The following CLYBL variants were observed in gnomAD, a reference collection of about 807,000 sequenced individuals.
CLYBL encodes the protein citramalyl-CoA lyase, mitochondrial.
Under a neutral mutation model 38.9 loss-of-function variants are expected in CLYBL, and 31 were observed. The observed-to-expected ratio is 0.80, with a 90% CI of 0.60 to 1.08. The LOEUF (loss-of-function observed/expected upper bound fraction) is 1.08, where lower values mean the gene tolerates loss of function less well. CLYBL is among the 50% of genes least tolerant of loss of function. The pLI is 0.00. For missense variants in CLYBL, 434 were observed against 411.6 expected, an observed-to-expected ratio of 1.05 and a Z score of -0.47; for synonymous variants, 171 against 158.6, an observed-to-expected ratio of 1.08 and a Z score of -0.59.
chr13:99,780,945 C>T (rs2138835830), intron 2 of CLYBL, among the ~76,000 whole-genome samples: 1 of 146,072 alleles, frequency 6.8e-6, no homozygotes, highest in African/African-American at 2.5e-5. Context: ...AACTCCTGAC[C>T]TCAGGCAATC....
At chr13:99,897,928 G>A (rs1209034149), downstream of CLYBL, among the ~76,000 whole-genome samples, 2 of 148,470 alleles carry the variant, frequency 1.3e-5, no homozygotes, top group East Asian at 1.9e-4. Flanking sequence ...CAACAAGGGC[G>A]AAATGCCGTC....
intron 1 of CLYBL, among the ~76,000 whole-genome samples, chr13:99,757,477 T>C (rs1037931759): frequency 1.6e-4 from 24 of 152,020 alleles, no homozygotes; most frequent in Admixed American, 1.2e-3. Flanking sequence ...TATTTCGAGA[T>C]GGAGTTTCGC....
intron 1 of CLYBL, among the ~76,000 whole-genome samples, chr13:99,747,294 C>T (rs1309382364): frequency 6.7e-6 from 1 of 150,292 alleles, no homozygotes; most frequent in Non-Finnish European, 1.5e-5. Flanking sequence ...TTATCCACCC[C>T]GGCTTTCCCT....
intron 1 of CLYBL, among the ~76,000 whole-genome samples, chr13:99,646,499 G>A (rs1269937709): frequency 6.7e-6 from 1 of 149,294 alleles, no homozygotes; most frequent in Non-Finnish European, 1.5e-5. Flanking sequence ...GAGCCAATTG[G>A]TTACAGAAAT....
At chr13:99,733,273 T>TA (rs5806135) in intron 1 of CLYBL, among the ~76,000 whole-genome samples, 114 of 145,698 alleles carry the variant, frequency 7.8e-4, no homozygotes, top group Middle Eastern at 7.0e-3. Flanking sequence ...GAACAGAACT[T>TA]AAAAAAAAAA....
intron 2 of CLYBL, among the ~76,000 whole-genome samples, chr13:99,841,706 ATTACT>A (rs2051083255): frequency 6.6e-6 from 1 of 151,722 alleles, no homozygotes; most frequent in African/African-American, 2.4e-5. Context: ...GGCCACACAC[ATTACT>A]TTAAGCTTTA....
intron 1 of CLYBL, among the ~76,000 whole-genome samples, chr13:99,754,416 C>CAGAAAAAA (rs2049016272): frequency 1.4e-5 from 1 of 71,886 alleles, no homozygotes; most frequent in African/African-American, 5.7e-5. Context: ...GACCCTGTCT[C>CAGAAAAAA]AAAAAAAAAA....
chr13:99,734,670 T>A (rs1301012184), intron 1 of CLYBL, among the ~76,000 whole-genome samples: 1 of 152,182 alleles, frequency 6.6e-6, no homozygotes, highest in African/African-American at 2.4e-5. Context: ...TGTCCATGGC[T>A]ACACCCATAG....
At chr13:99,903,379 C>G (rs912328255) in intron 8 of CLYBL, among the ~76,000 whole-genome samples, 1 of 151,552 alleles carries the variant, frequency 6.6e-6, no homozygotes, top group Non-Finnish European at 1.5e-5. Flanking sequence ...GGCACACACA[C>G]ACGCACGCAC....
In CLYBL at chr13:99,866,327, T is replaced by C. The variant is rs1456554421; in HGVS notation, c.722T>C (p.Ile241Thr). 3 of 1,614,136 alleles carry C rather than the reference T, an allele frequency of 1.9e-6. No individual in the cohort carries two copies. The highest frequency in any genetic ancestry group is 2.2e-5 in the East Asian group (1 of 44,876). ...GCGAAAGCCTTTGGTCTCCAAGCCA[T>C]AGATCTGGTGTACATTGACTTTCGA... Reference protein sequence around the residue: ...VIAKAFGLQAIDLVYIDFRDG... With the variant: ...VIAKAFGLQATDLVYIDFRDG... The change falls in exon 6 of 9, where the codon ATA becomes ACA. Residue 241 changes from isoleucine (I) to threonine (T), a missense_variant. By Grantham distance (89) the Ile-to-Thr change is moderately conservative. Coordinates refer to ENST00000339105, the MANE Select transcript of CLYBL (RefSeq NM_206808.5).
chr13:99,831,917 A>G (rs2050811998), intron 2 of CLYBL, among the ~76,000 whole-genome samples: 1 of 152,164 alleles, frequency 6.6e-6, no homozygotes, highest in Non-Finnish European at 1.5e-5. Flanking sequence ...TTTATTATAC[A>G]TTTATCAAAC....
At chr13:99,860,255 A>T (rs957110931) in intron 3 of CLYBL, among the ~76,000 whole-genome samples, 2 of 152,172 alleles carry the variant, frequency 1.3e-5, no homozygotes, top group African/African-American at 4.8e-5. Context: ...TTTGGGATCT[A>T]TTGGGCTAAA....
Position 99,772,972 on chromosome 13 carries a change from G to T in CLYBL, c.211G>T (p.Val71Leu), listed in dbSNP as rs1324325991. ...TCCATCCCTGAATGTAGATTGTGCA[G>T]TGCTCGACTGTGAGGATGGAGTGGC... Reference protein sequence around the residue: ...KIPSLNVDCAVLDCEDGVAAN... With the variant: ...KIPSLNVDCALLDCEDGVAAN... The change falls in exon 2 of 9, where the codon GTG (valine) becomes TTG (leucine). Residue 71 changes from valine (V) to leucine (L), a missense_variant. By Grantham distance (32) the Val-to-Leu change is conservative. Coordinates refer to ENST00000339105, the MANE Select transcript of CLYBL (RefSeq NM_206808.5). 4 of 1,611,948 alleles carry T rather than the reference G, an allele frequency of 2.5e-6. No homozygotes were observed.
chr13:99,734,584 G>A (rs1158667586), intron 1 of CLYBL, among the ~76,000 whole-genome samples: 1 of 152,126 alleles, frequency 6.6e-6, no homozygotes, highest in Non-Finnish European at 1.5e-5. Flanking sequence ...CATACACGGG[G>A]CTGGGATTTG....
chr13:99,664,352 T>C (rs543072563), intron 1 of CLYBL, among the ~76,000 whole-genome samples: 2 of 152,366 alleles, frequency 1.3e-5, no homozygotes, highest in East Asian at 3.9e-4. Context: ...TGTAATTCCC[T>C]GAAGCAAATA....
At position 99,819,623 on chromosome 13, in the gene CLYBL, G is replaced by A. The variant is rs182894827; in HGVS notation, c.250-39238G>A. 6.2e-3 allele frequency among the ~76,000 whole-genome samples: 933 copies of A among 151,394 alleles called. 12 individuals are homozygous for A. Among genetic ancestry groups the A allele is most frequent in the African/African-American group, 0.021 (886 of 41,272 alleles). On this transcript the variant is annotated intron_variant, in intron 2 of 8. Coordinates refer to ENST00000339105, the MANE Select transcript of CLYBL (RefSeq NM_206808.5). The stretch of plus-strand genomic sequence containing the variant: ...CGGAAGACCTAGAAAAGCAGGTGGT[G>A]TGATTCATCTGAATCCAAAAGCCTG...
At chr13:99,864,066 A>C (rs1358159242) in intron 4 of CLYBL, among the ~76,000 whole-genome samples, 1 of 152,212 alleles carries the variant, frequency 6.6e-6, no homozygotes, top group Non-Finnish European at 1.5e-5. Flanking sequence ...AATCAAAAGC[A>C]TATCCCTAAG....
At chr13:99,852,401 G>T in intron 2 of CLYBL, among the ~76,000 whole-genome samples, 1 of 152,116 alleles carries the variant, frequency 6.6e-6, no homozygotes, top group Non-Finnish European at 1.5e-5. Context: ...ACCACGCCTG[G>T]CTTATGTTCT....
chr13:99,711,312 C>A (rs1416756980), intron 1 of CLYBL, among the ~76,000 whole-genome samples: 1 of 151,712 alleles, frequency 6.6e-6, no homozygotes, highest in Admixed American at 6.6e-5. Context: ...GGTTCAGTGT[C>A]TGGTGCTAAG....
Sources: gnomAD v4.1 joint callset for allele counts (sites outside exome capture counted in the v4.1 genomes callset) on GRCh38, gnomAD v4.1.1 for gene constraint, MANE v1.5 for transcripts, NCBI Gene and HGNC (gene_info 2026-07-23, HGNC 2026-07-21) for gene names.